PDZRN4: variants seen among roughly 807,000 people sequenced by gnomAD.
The protein encoded by PDZRN4 is PDZ domain containing ring finger 4.
A neutral mutation model predicts 99.0 loss-of-function variants in PDZRN4; 70 were observed. That is an observed-to-expected ratio of 0.71 (90% CI 0.58 to 0.86). The LOEUF (loss-of-function observed/expected upper bound fraction) is 0.86. PDZRN4 is among the 40% of genes least tolerant of loss of function. The pLI, the probability that PDZRN4 is intolerant of heterozygous loss-of-function variation, is 0.00. For missense variants in PDZRN4, 1,474 were observed against 1,331.2 expected, an observed-to-expected ratio of 1.11 and a Z score of -1.67; for synonymous variants, 551 against 501.6, an observed-to-expected ratio of 1.10 and a Z score of -1.32.
At chr12:41,375,385 T>C (rs1952071861) in intron 3 of PDZRN4, among the ~76,000 whole-genome samples, 1 of 152,122 alleles carries the variant, frequency 6.6e-6, no homozygotes, top group African/African-American at 2.4e-5. Context: ...AATTAGATGA[T>C]AGATAGAATG....
intron 5 of PDZRN4, among the ~76,000 whole-genome samples, chr12:41,537,333 A>G (rs1433481191): frequency 1.3e-5 from 2 of 152,204 alleles, no homozygotes; most frequent in Admixed American, 1.3e-4. Context: ...AAGTTCTATA[A>G]TCAACAATGA....
intron 3 of PDZRN4, among the ~76,000 whole-genome samples, chr12:41,503,824 C>G (rs1436597376): frequency 6.6e-6 from 1 of 152,118 alleles, no homozygotes; most frequent in African/African-American, 2.4e-5. Flanking sequence ...TGGAAGAAAC[C>G]GTGGTCACGA....
At chr12:41,286,616 C>G (rs1278968926) in intron 3 of PDZRN4, among the ~76,000 whole-genome samples, 1 of 152,112 alleles carries the variant, frequency 6.6e-6, no homozygotes, top group African/African-American at 2.4e-5. Flanking sequence ...ACTCACTATT[C>G]TTGGAGGCAC....
In PDZRN4 at chr12:41,234,391, G is replaced by T. The variant is rs1951051486; in HGVS notation, c.843+40203G>T. On this transcript the variant is annotated intron_variant, in intron 3 of 9. Transcript: ENST00000402685. Reference sequence around the variant, plus strand: ...GAAAAGTTCAAATGTATTTTTCAGAGCTTCAAAACAGAGAAATCTAGAACC... The same window carrying T: ...GAAAAGTTCAAATGTATTTTTCAGATCTTCAAAACAGAGAAATCTAGAACC... Among the ~76,000 whole-genome samples, 5 of 152,088 alleles carry T rather than the reference G, an allele frequency of 3.3e-5. No individual in the cohort carries two copies. The South Asian group carries it at 1.0e-3, about 32-fold the overall frequency.
chr12:41,194,121 CA>C lies in PDZRN4; in HGVS notation c.781del (p.Ile261PhefsTer2). ...EGTSTEGIYV[S>X]KILENGPADR... is the part of the protein sequence containing the mutation. ...ACATCGACTGAAGGAATTTACGTTT[CA>C]AAAATTTTAGAAAATGGACCTGCTG... On this transcript the variant is annotated frameshift_variant, in exon 3 of 10. Coordinates refer to ENST00000402685, the MANE Select transcript of PDZRN4 (RefSeq NM_001164595.2). LOFTEE classifies it high-confidence loss of function. 7.0e-6 allele frequency: 11 copies of C among 1,570,798 alleles called. No homozygotes were observed. Among genetic ancestry groups the C allele is most frequent in the Non-Finnish European group, 9.5e-6 (11 of 1,153,796 alleles).
intron 3 of PDZRN4, chr12:41,409,524 T>C (rs1952376923): frequency 6.6e-6 from 1 of 152,214 alleles, no homozygotes; most frequent in Non-Finnish European, 1.5e-5. Context: ...AGGTAATTTC[T>C]GACCGATTTT....
chr12:41,494,798 C>T (rs1027388054), intron 3 of PDZRN4, among the ~76,000 whole-genome samples: 1 of 152,074 alleles, frequency 6.6e-6, no homozygotes, highest in Non-Finnish European at 1.5e-5. Flanking sequence ...CGACTGAACT[C>T]GACAAGTGTC....
intron 5 of PDZRN4, among the ~76,000 whole-genome samples, chr12:41,513,649 G>A (rs1360213151): frequency 6.6e-6 from 1 of 151,866 alleles, no homozygotes; most frequent in African/African-American, 2.4e-5. Context: ...TCCCCCTAGA[G>A]CCAGCTAAAG....
intron 3 of PDZRN4, among the ~76,000 whole-genome samples, chr12:41,236,905 G>T (rs1317284230): frequency 6.6e-6 from 1 of 152,056 alleles, no homozygotes; most frequent in Non-Finnish European, 1.5e-5. Flanking sequence ...TTTATTTTAT[G>T]TGTGGGGTTT....
chr12:41,476,700 T>G (rs1446857257), intron 3 of PDZRN4, among the ~76,000 whole-genome samples: 1 of 152,190 alleles, frequency 6.6e-6, no homozygotes, highest in Non-Finnish European at 1.5e-5. Context: ...TGTTGACAGC[T>G]CTGATAGTGA....
chr12:41,432,202 A>G (rs140591858), intron 3 of PDZRN4, among the ~76,000 whole-genome samples: 1 of 152,356 alleles, frequency 6.6e-6, no homozygotes, highest in East Asian at 1.9e-4. Flanking sequence ...ACATAAATAC[A>G]CAACTGACAA....
chr12:41,556,453 T>C (rs1368619341), intron 7 of PDZRN4, among the ~76,000 whole-genome samples: 1 of 152,228 alleles, frequency 6.6e-6, no homozygotes, highest in African/African-American at 2.4e-5. Flanking sequence ...CTGTACAGCA[T>C]GTTACTGCAC....
intron 5 of PDZRN4, among the ~76,000 whole-genome samples, chr12:41,529,402 A>G (rs151186498): frequency 6.6e-6 from 1 of 152,206 alleles, no homozygotes; most frequent in East Asian, 1.9e-4. Context: ...ACCAAATAGT[A>G]TTAGGAGACC....
At chr12:41,306,462 C>T (rs1187450077) in intron 3 of PDZRN4, among the ~76,000 whole-genome samples, 1 of 152,180 alleles carries the variant, frequency 6.6e-6, no homozygotes, top group African/African-American at 2.4e-5. Context: ...GCCATCCTTC[C>T]ATTCCATCTC....
At chr12:41,331,658 T>A (rs1281548498) in intron 3 of PDZRN4, among the ~76,000 whole-genome samples, 1 of 152,142 alleles carries the variant, frequency 6.6e-6, no homozygotes, top group African/African-American at 2.4e-5. Context: ...TGATGAAATA[T>A]CTGAGACTAG....
intron 3 of PDZRN4, among the ~76,000 whole-genome samples, chr12:41,255,526 C>T (rs1951198793): frequency 6.6e-6 from 1 of 152,048 alleles, no homozygotes; most frequent in African/African-American, 2.4e-5. Context: ...TACCTTCTGT[C>T]ATGTCTACCA....
intron 3 of PDZRN4, among the ~76,000 whole-genome samples, chr12:41,213,421 G>A (rs1399224960): frequency 6.6e-6 from 1 of 151,950 alleles, no homozygotes; most frequent in Non-Finnish European, 1.5e-5. Flanking sequence ...CCTCCTTTTG[G>A]TCTAACAATA....
intron 4 of PDZRN4, among the ~76,000 whole-genome samples, chr12:41,507,590 A>G (rs916638241): frequency 6.6e-6 from 1 of 152,100 alleles, no homozygotes; most frequent in Non-Finnish European, 1.5e-5. Flanking sequence ...GTACAATAGA[A>G]TCACCTGGGA....
chr12:41,374,082 G>A (rs766291501), intron 3 of PDZRN4, among the ~76,000 whole-genome samples: 11 of 152,220 alleles, frequency 7.2e-5, no homozygotes, highest in South Asian at 2.1e-4. Context: ...GGGAGACAGC[G>A]CTGGAGCGAG....
Sources: allele counts gnomAD v4.1 joint callset (sites outside exome capture counted in the v4.1 genomes callset), GRCh38; gene constraint gnomAD v4.1.1; transcripts MANE v1.5; gene names NCBI Gene and HGNC (gene_info 2026-07-23, HGNC 2026-07-21).